FERMT3: variants seen among roughly 807,000 people sequenced by gnomAD.
The protein encoded by FERMT3 is fermitin family homolog 3.
FERMT3 carries 33 observed loss-of-function variants against 80.8 expected under a neutral mutation model. The observed-to-expected ratio is 0.41, with a 90% CI of 0.31 to 0.55. The LOEUF (loss-of-function observed/expected upper bound fraction) is 0.55, where lower values mean the gene tolerates loss of function less well. Among genes scored for constraint, FERMT3 ranks in the 20% least tolerant of loss-of-function variants. FERMT3 has a pLI of 0.31. For synonymous variants in FERMT3, 375 were observed against 372.2 expected (o/e 1.01, Z -0.09); for missense variants, 754 against 908.7 (o/e 0.83, Z 2.19).
chr11:64,222,558 C>G (rs921484967), intron 13 of FERMT3, among the ~76,000 whole-genome samples: 1 of 131,124 alleles, frequency 7.6e-6, no homozygotes, highest in Non-Finnish European at 1.6e-5. Flanking sequence ...AGCGACACTC[C>G]GTCTCAAAAA....
chr11:64,220,356 CGGGCAGGAGCTGGGGCAG>C, intron 11 of FERMT3, 30 bp downstream of exon 11: 2 of 1,609,704 alleles, frequency 1.2e-6, no homozygotes, highest in Non-Finnish European at 8.5e-7. Flanking sequence ...GGGCCAGGGC[CGGGCAGGAGCTGGGGCAG>C]GGGCAGGGGC....
chr11:64,221,184 C>A, intron 13 of FERMT3, 44 bp downstream of exon 13: 1 of 1,581,982 alleles, frequency 6.3e-7, no homozygotes, highest in Non-Finnish European at 8.6e-7. Context: ...CGTCTCTGCC[C>A]TCACCTGCCA....
intron 6 of FERMT3, among the ~76,000 whole-genome samples, chr11:64,218,991 A>T (rs981652961): frequency 5.9e-5 from 9 of 152,216 alleles, no homozygotes; most frequent in Admixed American, 1.3e-4. Flanking sequence ...TCTCTCCTGC[A>T]CCCAGGGCAG....
intron 13 of FERMT3, among the ~76,000 whole-genome samples, chr11:64,222,280 TAAAAG>T (rs1303243822): frequency 9.1e-6 from 1 of 109,622 alleles, no homozygotes; most frequent in Non-Finnish European, 1.8e-5. Flanking sequence ...AATAAATAAA[TAAAAG>T]AGCCTGCGCG....
At chr11:64,206,355 G>A (rs966082543), upstream of FERMT3, among the ~76,000 whole-genome samples, 3 of 152,170 alleles carry the variant, frequency 2.0e-5, no homozygotes, top group East Asian at 1.9e-4. Flanking sequence ...ACACTCTGTC[G>A]ACTCCTGGGC....
At chr11:64,220,189 A>G in intron 10 of FERMT3, 31 bp from the exon 11 acceptor site, 1 of 1,608,222 alleles carries the variant, frequency 6.2e-7, no homozygotes, top group East Asian at 2.2e-5. Flanking sequence ...TCCCCTCCCG[A>G]CCTCCTAGAC....
chr11:64,216,476 G>A (rs1353095295), intron 6 of FERMT3, among the ~76,000 whole-genome samples: 1 of 146,792 alleles, frequency 6.8e-6, no homozygotes, highest in Non-Finnish European at 1.5e-5. Context: ...TGGGATTACA[G>A]GCGTGAGCCA....
intron 2 of FERMT3, chr11:64,207,989 G>A: frequency 6.4e-6 from 1 of 156,652 alleles, no homozygotes; most frequent in South Asian, 1.7e-4. Context: ...CAGTCATGGA[G>A]GACCACGGGG....
chr11:64,221,007 G>A lies in FERMT3; in HGVS notation c.1546-9G>A, dbSNP rs759743936. The A allele has an allele frequency of 1.2e-6, 2 of 1,611,434 alleles. No homozygotes were observed. The highest frequency in any genetic ancestry group is 1.7e-6 in the Non-Finnish European group (2 of 1,179,832). The stretch of plus-strand genomic sequence containing the variant: ...TGCCTGGCAGCCCGTCACCAGTATG[G>A]TCCCGCAGCTCACCCCACGGATCCT... On this transcript the variant is annotated splice_polypyrimidine_tract_variant and intron_variant, in intron 12 of 14. Transcript: ENST00000345728.
intron 12 of FERMT3, 149 bp from the exon 13 acceptor site, chr11:64,220,867 C>A: frequency 1.4e-6 from 2 of 1,455,120 alleles, no homozygotes; most frequent in Non-Finnish European, 9.4e-7. Context: ...TGCAGCCTGG[C>A]GCAGTGCAGA....
At chr11:64,214,079 A>T (rs1400366171) in intron 6 of FERMT3, among the ~76,000 whole-genome samples, 2 of 152,122 alleles carry the variant, frequency 1.3e-5, no homozygotes, top group Admixed American at 1.3e-4. Flanking sequence ...AAATAGTAAC[A>T]CATATAAATA....
In FERMT3 at chr11:64,211,131, G is replaced by A. The variant is rs746540723; in HGVS notation, c.474G>A (p.Glu158=). Residue 158 remains glutamate (E), a synonymous_variant, in exon 4 of 15, where the codon GAG becomes GAA. Coordinates refer to ENST00000345728, the MANE Select transcript of FERMT3 (RefSeq NM_031471.6). The surrounding 1 kb of genome is among the most constrained non-coding windows in gnomAD (Gnocchi z 4.7). ...AGAAGAAGAAAGAGAAGGAGCCAGA[G>A]GAAGAGCTCTATGACTTGAGCAAGG... ...KEKKKKEKEP[E]EELYDLSKVV... 1.3e-6 allele frequency: 2 copies of A among 1,556,586 alleles called. No homozygotes were observed. Among genetic ancestry groups the A allele is most frequent in the African/African-American group, 2.7e-5 (2 of 73,218 alleles).
Position 64,219,218 on chromosome 11 carries a change from C to A in FERMT3, c.787-33C>A. On this transcript the variant is annotated intron_variant, in intron 6 of 14. Coordinates refer to ENST00000345728, the MANE Select transcript of FERMT3 (RefSeq NM_031471.6). This position sits in a 1 kb window ranked among gnomAD's most constrained non-coding sequence, Gnocchi z 4.0. The stretch of plus-strand genomic sequence containing the variant: ...TCCAGGGCAGCTGGCATCTGACCAG[C>A]CCAGCCTCCAGCCTCCTCTCCCCCC... 6.5e-7 allele frequency: 1 copy of A among 1,549,314 alleles called. No individual in the cohort carries two copies.
Position 64,219,874 on chromosome 11 carries a change from C to A in FERMT3, c.1080-17C>A, listed in dbSNP as rs374311779. ...GGGGGTGAGGCGGCCTTTCACAAAC[C>A]CCAGCATCCCACGAAGGCCCCGGAA... is the stretch of plus-strand genomic sequence containing the variant. On this transcript the variant is annotated splice_polypyrimidine_tract_variant and intron_variant, in intron 9 of 14. Coordinates refer to ENST00000345728, the MANE Select transcript of FERMT3 (RefSeq NM_031471.6). This position sits in a 1 kb window ranked among gnomAD's most constrained non-coding sequence, Gnocchi z 4.0. 5.0e-6 allele frequency: 8 copies of A among 1,613,862 alleles called. 1 individual carries two copies. The South Asian group carries it at 8.8e-5, about 18-fold the overall frequency.
In FERMT3 at chr11:64,211,141, T is replaced by C; in HGVS notation, c.484T>C (p.Tyr162His). ...AGAGAAGGAGCCAGAGGAAGAGCTC[T>C]ATGACTTGAGCAAGGTTGTCTTGGC... is the stretch of plus-strand genomic sequence containing the variant. ...KKEKEPEEEL[Y>H]DLSKVVLAGG... Residue 162 changes from tyrosine (Y) to histidine (H), a missense_variant, in exon 4 of 15, where the codon TAT becomes CAT. Tyr to His is a moderately conservative substitution (Grantham distance 83). Transcript: ENST00000345728. This position sits in a 1 kb window ranked among gnomAD's most constrained non-coding sequence, Gnocchi z 4.7. The C allele has an allele frequency of 1.8e-5, 28 of 1,551,334 alleles. No homozygotes were observed. The highest frequency in any genetic ancestry group is 2.4e-5 in the Non-Finnish European group (28 of 1,147,630).
At chr11:64,207,697 C>T (rs1203232990) in intron 2 of FERMT3, 173 bp downstream of exon 2, 3 of 731,648 alleles carry the variant, frequency 4.1e-6, no homozygotes, top group South Asian at 1.9e-5. Context: ...ACTTCCTCTC[C>T]CTCCCACCCT....
chr11:64,219,657 T>C lies in FERMT3; in HGVS notation c.1028T>C (p.Leu343Pro), dbSNP rs1424383197. 1 of 1,613,426 alleles carries C rather than the reference T, an allele frequency of 6.2e-7. No homozygotes were observed. ...KLEGSAPTDVLDSLTTIPELK... is the reference protein window; with the variant it reads ...KLEGSAPTDVPDSLTTIPELK... The stretch of plus-strand genomic sequence containing the variant: ...GAGGGGTCGGCGCCCACAGATGTGC[T>C]GGTGAGGAGGGGCTCAGGGCAGGGG... The change falls in exon 8 of 15, where the codon CTG becomes CCG. Residue 343 changes from leucine to proline, a missense_variant and splice_region_variant. Transcript: ENST00000345728. This position sits in a 1 kb window ranked among gnomAD's most constrained non-coding sequence, Gnocchi z 4.0.
At chr11:64,214,891 C>G (rs2134861538) in intron 6 of FERMT3, among the ~76,000 whole-genome samples, 1 of 151,656 alleles carries the variant, frequency 6.6e-6, no homozygotes, top group African/African-American at 2.4e-5. Context: ...CAACCTCTGC[C>G]TCCTGGGTTC....
In FERMT3 at chr11:64,220,650, G is replaced by C; in HGVS notation, c.1526G>C (p.Arg509Pro). The C allele has an allele frequency of 6.2e-7, 1 of 1,611,294 alleles. No homozygotes were observed. The highest frequency in any genetic ancestry group is 8.5e-7 in the Non-Finnish European group (1 of 1,179,240). The change falls in exon 12 of 15, where the codon CGA becomes CCA. Residue 509 changes from arginine (R) to proline (P), a missense_variant. By Grantham distance (103) the Arg-to-Pro change is moderately radical (BLOSUM62 -2). Coordinates refer to ENST00000345728, the MANE Select transcript of FERMT3 (RefSeq NM_031471.6). ...GGCCTCGTTGCCCCCCGTTTCCAGC[G>C]AAAGTTCAAGGCCAAGCAGGTACCA... ...PYGLVAPRFQ[R>P]KFKAKQLTPR...
Sources: gnomAD v4.1 joint callset for allele counts (sites outside exome capture counted in the v4.1 genomes callset) on GRCh38, gnomAD v4.1.1 for gene constraint, Gnocchi (gnomAD v3.1) non-coding constraint, MANE v1.5 for transcripts, NCBI Gene and HGNC (gene_info 2026-07-23, HGNC 2026-07-21) for gene names.